MICU1: variants seen among roughly 807,000 people sequenced by gnomAD.
MICU1 encodes mitochondrial calcium uptake 1, also known as calcium uptake protein 1, mitochondrial.
A neutral mutation model predicts 56.8 loss-of-function variants in MICU1; 45 were observed. The observed-to-expected ratio is 0.79, with a 90% confidence interval of 0.62 to 1.02. MICU1 has a LOEUF of 1.02. MICU1 is among the 50% of genes least tolerant of loss of function. MICU1 has a pLI of 0.00. For synonymous variants in MICU1, 186 were observed against 195.1 expected, an observed-to-expected ratio of 0.95 and a Z score of 0.39; for missense variants, 504 against 587.1, an observed-to-expected ratio of 0.86 and a Z score of 1.46.
At chr10:72,493,002 A>G (rs1379369164) in intron 6 of MICU1, among the ~76,000 whole-genome samples, 5 of 152,074 alleles carry the variant, frequency 3.3e-5, no homozygotes, top group East Asian at 3.9e-4. Flanking sequence ...CTGTAATCCC[A>G]GCTACTCGGG....
rs149135293 is a variant in MICU1, at chr10:72,504,333, A to G, written c.652+3822T>C. Among the ~76,000 whole-genome samples the G allele has an allele frequency of 1.5e-4, 23 of 152,328 alleles. 1 individual carries two copies. In the East Asian group the frequency reaches 4.4e-3, roughly 29 times the overall value. On this transcript the variant is annotated intron_variant, in intron 6 of 11. Transcript: ENST00000361114. The stretch of plus-strand genomic sequence containing the variant: ...CCGGAAATAAAGCTGTACACTTACA[A>G]CCATCTTATTTTCAACTAAGCTGAC...
chr10:72,527,844 T>C (rs193220876), intron 5 of MICU1, among the ~76,000 whole-genome samples: 3 of 152,326 alleles, frequency 2.0e-5, no homozygotes, highest in African/African-American at 7.2e-5. Flanking sequence ...CTTTTCTTTC[T>C]TGAGACGGAA....
At chr10:72,575,093 C>G (rs1467698121) in intron 1 of MICU1, among the ~76,000 whole-genome samples, 1 of 152,080 alleles carries the variant, frequency 6.6e-6, no homozygotes, top group Non-Finnish European at 1.5e-5. Context: ...GAGATGGGGT[C>G]TTGCTGTATT....
intron 2 of MICU1, among the ~76,000 whole-genome samples, 176 bp downstream of exon 2, chr10:72,566,457 T>C (rs1447145445): frequency 6.6e-6 from 1 of 152,216 alleles, no homozygotes; most frequent in Non-Finnish European, 1.5e-5. Context: ...AGTATTGCCT[T>C]AGCATGTTGA....
At chr10:72,520,586 T>C (rs774941905) in intron 5 of MICU1, among the ~76,000 whole-genome samples, 2 of 152,274 alleles carry the variant, frequency 1.3e-5, no homozygotes, top group Non-Finnish European at 2.9e-5. Flanking sequence ...AACTTCACTA[T>C]GCCAGAAAGC....
intron 3 of MICU1, among the ~76,000 whole-genome samples, chr10:72,553,513 G>A (rs751707789): frequency 3.3e-5 from 5 of 152,056 alleles, no homozygotes; most frequent in African/African-American, 7.2e-5. Context: ...GATTACAGGC[G>A]TGAGCCACTG....
chr10:72,417,466 A>G (rs899078873), intron 9 of MICU1, among the ~76,000 whole-genome samples: 2 of 151,804 alleles, frequency 1.3e-5, no homozygotes, highest in African/African-American at 2.4e-5. Flanking sequence ...AAAAAAAAAA[A>G]AAAAAAAGAA....
chr10:72,576,716 GGAA>G (rs1400581791), intron 1 of MICU1, among the ~76,000 whole-genome samples: 1 of 152,182 alleles, frequency 6.6e-6, no homozygotes, highest in African/African-American at 2.4e-5. Flanking sequence ...AGCCTTACTA[GGAA>G]GAAGATGCCA....
intron 5 of MICU1, among the ~76,000 whole-genome samples, chr10:72,514,290 C>A (rs1867576127): frequency 6.6e-6 from 1 of 152,004 alleles, no homozygotes. Context: ...GATCTAAAGT[C>A]TTTGAGTAGT....
At chr10:72,472,191 T>C (rs1865972174) in intron 8 of MICU1, among the ~76,000 whole-genome samples, 1 of 152,180 alleles carries the variant, frequency 6.6e-6, no homozygotes, top group African/African-American at 2.4e-5. Flanking sequence ...GCAAGGTAAC[T>C]GGCAAAAAAC....
Position 72,475,271 on chromosome 10 carries a change from G to A in MICU1, c.762C>T (p.Thr254=). The A allele has an allele frequency of 1.2e-6, 2 of 1,607,380 alleles. No individual in the cohort carries two copies. The highest frequency in any genetic ancestry group is 1.7e-6 in the Non-Finnish European group (2 of 1,176,588). ...EQVQSIIRSQ[T]SMGMRHRDRP... ...GATCTCTGTGGCGCATACCCATACT[G>A]GTTTGGGAGCGAATGATGCTCTGAA... The change falls in exon 8 of 12, where the codon ACC becomes ACT. Residue 254 remains threonine, a synonymous_variant. Transcript: ENST00000361114.
At chr10:72,441,239 G>A (rs1864914645) in intron 8 of MICU1, among the ~76,000 whole-genome samples, 4 of 152,068 alleles carry the variant, frequency 2.6e-5, no homozygotes, top group Admixed American at 1.3e-4. Flanking sequence ...ATGAGTTAAT[G>A]TCCTTTGCAG....
At chr10:72,597,054 C>A (rs140169469) in intron 1 of MICU1, among the ~76,000 whole-genome samples, 438 of 152,180 alleles carry the variant, frequency 2.9e-3, no homozygotes, top group Non-Finnish European at 4.1e-3. Context: ...TATGTGGGAA[C>A]TCTGTACTTT....
chr10:72,495,930 T>A (rs1685049698), intron 6 of MICU1, among the ~76,000 whole-genome samples: 1 of 151,996 alleles, frequency 6.6e-6, no homozygotes, highest in Non-Finnish European at 1.5e-5. Context: ...AATATAAAAT[T>A]ATGGTAAATT....
intron 4 of MICU1, among the ~76,000 whole-genome samples, chr10:72,546,214 A>G (rs1839890348): frequency 6.6e-6 from 1 of 152,196 alleles, no homozygotes; most frequent in South Asian, 2.1e-4. Context: ...ATCAATGACT[A>G]AAGTTTCGGT....
chr10:72,445,993 C>T (rs1392409237), intron 8 of MICU1, among the ~76,000 whole-genome samples: 1 of 151,504 alleles, frequency 6.6e-6, no homozygotes, highest in Non-Finnish European at 1.5e-5. Context: ...AATCTGTATG[C>T]TTCTTAAAAT....
At chr10:72,613,259 T>C (rs1312700785) in intron 1 of MICU1, among the ~76,000 whole-genome samples, 1 of 147,732 alleles carries the variant, frequency 6.8e-6, no homozygotes, top group East Asian at 1.9e-4. Context: ...GGAGAAACAC[T>C]TTACCCCTAA....
chr10:72,388,864 T>A (rs910414129), intron 10 of MICU1, among the ~76,000 whole-genome samples: 1 of 152,204 alleles, frequency 6.6e-6, no homozygotes, highest in Non-Finnish European at 1.5e-5. Flanking sequence ...GAACACAGAC[T>A]GGGAATTAGA....
At chr10:72,552,696 A>C (rs962965216) in intron 3 of MICU1, among the ~76,000 whole-genome samples, 6 of 152,136 alleles carry the variant, frequency 3.9e-5, no homozygotes, top group African/African-American at 1.2e-4. Context: ...CTTGGATTAC[A>C]GGTGCCGGCC....
Sources: allele counts gnomAD v4.1 joint callset (sites outside exome capture counted in the v4.1 genomes callset), GRCh38; gene constraint gnomAD v4.1.1; transcripts MANE v1.5; gene names NCBI Gene and HGNC (gene_info 2026-07-23, HGNC 2026-07-21).